Variants in SLCO3A1 observed in about 807,000 individuals in gnomAD.
The protein encoded by SLCO3A1 is PGE1 transporter.
A neutral mutation model predicts 63.1 loss-of-function variants in SLCO3A1; 27 were observed. That is an observed-to-expected ratio of 0.43 (90% CI 0.32 to 0.59). The LOEUF (loss-of-function observed/expected upper bound fraction) is 0.59. Ranked by LOEUF, SLCO3A1 falls within the 20% of genes least tolerant of loss-of-function variation. The pLI, the probability that SLCO3A1 is intolerant of heterozygous loss-of-function variation, is 0.09. For synonymous variants in SLCO3A1, 473 were observed against 409.9 expected (o/e 1.15, Z -1.86); for missense variants, 773 against 945.8 (o/e 0.82, Z 2.40).
At chr15:91,907,446 T>A (rs1253000974) in intron 1 of SLCO3A1, among the ~76,000 whole-genome samples, 1 of 151,546 alleles carries the variant, frequency 6.6e-6, no homozygotes, top group African/African-American at 2.4e-5. Context: ...CCTCAGGTGA[T>A]TCTCCCACCT....
chr15:92,056,135 G>C (rs143307900), intron 2 of SLCO3A1, among the ~76,000 whole-genome samples: 1 of 152,100 alleles, frequency 6.6e-6, no homozygotes, highest in African/African-American at 2.4e-5. Flanking sequence ...GGGCTTGCAG[G>C]GGGGACTTGA....
intron 1 of SLCO3A1, among the ~76,000 whole-genome samples, chr15:91,888,314 C>G (rs1567172207): frequency 6.6e-6 from 1 of 152,156 alleles, no homozygotes; most frequent in Non-Finnish European, 1.5e-5. Flanking sequence ...GTATGGGCTG[C>G]CGGCTCTCTT....
chr15:91,889,021 G>T, intron 1 of SLCO3A1: 8 of 424,984 alleles, frequency 1.9e-5, no homozygotes, highest in Non-Finnish European at 2.0e-5. Context: ...AAAAAAAAAA[G>T]AAAAGAAAAA....
At chr15:91,963,000 C>T (rs1900507561) in intron 2 of SLCO3A1, among the ~76,000 whole-genome samples, 1 of 152,202 alleles carries the variant, frequency 6.6e-6, no homozygotes, top group Admixed American at 6.5e-5. Context: ...TAACTAAGAT[C>T]TGATTCCTGA....
At chr15:92,103,635 G>C (rs1030107079) in intron 3 of SLCO3A1, among the ~76,000 whole-genome samples, 6 of 152,012 alleles carry the variant, frequency 3.9e-5, no homozygotes, top group Non-Finnish European at 7.4e-5. Flanking sequence ...TTTTATGTCT[G>C]GTGTGGTCAT....
chr15:92,035,649 G>A (rs1349048693), intron 2 of SLCO3A1, among the ~76,000 whole-genome samples: 1 of 151,696 alleles, frequency 6.6e-6, no homozygotes. Context: ...CCGTGAAGTG[G>A]CTTTTAACAC....
In SLCO3A1 at chr15:91,919,751, T is replaced by G. The variant is rs553925176; in HGVS notation, c.646+3293T>G. 2.6e-5 allele frequency among the ~76,000 whole-genome samples: 4 copies of G among 152,230 alleles called. No homozygotes were observed. The East Asian group carries it at 7.7e-4, about 29-fold the overall frequency. On this transcript the variant is annotated intron_variant, in intron 2 of 9. Transcript: ENST00000318445. ...GGCTTACTGTGCCCTTTCATTAGGT[T>G]GCCCCCCTTTTTTTTTTCAAGGAGG...
chr15:91,995,576 A>G (rs1417488883), intron 2 of SLCO3A1, among the ~76,000 whole-genome samples: 1 of 152,234 alleles, frequency 6.6e-6, no homozygotes, highest in African/African-American at 2.4e-5. Context: ...GAGTAGTTAT[A>G]TTCTTGTGAG....
chr15:92,020,238 C>A (rs941306490), intron 2 of SLCO3A1, among the ~76,000 whole-genome samples: 5 of 98,334 alleles, frequency 5.1e-5, no homozygotes, highest in East Asian at 3.9e-4. Context: ...CACACACACA[C>A]TATATATATA....
In SLCO3A1 at chr15:92,163,555, T is replaced by TA. The variant is rs1491407256; in HGVS notation, c.*420_*421insA. 6.4e-3 allele frequency: 3,416 copies of TA among 534,346 alleles called. No homozygotes were observed. The highest frequency in any genetic ancestry group is 0.016 in the East Asian group (74 of 4,710). The allele number at this position is 534,346 out of a possible 1,614,324, so 33.1% of individuals were successfully genotyped here. A position where few individuals can be genotyped will look rare whatever the true frequency, so the allele number is the denominator to read the frequency against. ...AAGAAGTTTCCTAAAATAAAAAAAA[T>TA]TAAAAAAAAAAAACCCACAAGTTGA... On this transcript the variant is annotated 3_prime_UTR_variant, in exon 10 of 10. Coordinates refer to ENST00000318445, the MANE Select transcript of SLCO3A1 (RefSeq NM_013272.4).
At chr15:92,116,077 C>T (rs1249194621) in intron 4 of SLCO3A1, among the ~76,000 whole-genome samples, 1 of 152,142 alleles carries the variant, frequency 6.6e-6, no homozygotes, top group African/African-American at 2.4e-5. Context: ...TCAGTTTCTG[C>T]TGTGCTGCTC....
At chr15:91,891,282 T>G (rs922081662) in intron 1 of SLCO3A1, among the ~76,000 whole-genome samples, 19 of 152,188 alleles carry the variant, frequency 1.2e-4, no homozygotes, top group African/African-American at 4.1e-4. Context: ...CAGCTCCATT[T>G]AGGACTACCT....
At chr15:92,120,167 T>C (rs2047846596) in intron 4 of SLCO3A1, among the ~76,000 whole-genome samples, 1 of 152,138 alleles carries the variant, frequency 6.6e-6, no homozygotes, top group Admixed American at 6.6e-5. Context: ...CTGACATTGC[T>C]TTAAAAAAAT....
At chr15:92,141,429 G>A (rs1485501310) in intron 7 of SLCO3A1, among the ~76,000 whole-genome samples, 1 of 152,164 alleles carries the variant, frequency 6.6e-6, no homozygotes, top group Non-Finnish European at 1.5e-5. Context: ...AGATACACCT[G>A]CTTTTTGGAT....
chr15:91,965,396 C>G (rs1346531173), intron 2 of SLCO3A1, among the ~76,000 whole-genome samples: 1 of 152,178 alleles, frequency 6.6e-6, no homozygotes, highest in Non-Finnish European at 1.5e-5. Context: ...TGAAGAAGGA[C>G]TTTTAAAACT....
intron 1 of SLCO3A1, among the ~76,000 whole-genome samples, chr15:91,892,322 A>G (rs1321681752): frequency 6.6e-6 from 1 of 152,078 alleles, no homozygotes; most frequent in African/African-American, 2.4e-5. Flanking sequence ...AGTGTTTTTC[A>G]TTACTATTTG....
chr15:92,134,067 A>G (rs1026997173), intron 7 of SLCO3A1, among the ~76,000 whole-genome samples: 3 of 152,220 alleles, frequency 2.0e-5, no homozygotes, highest in Non-Finnish European at 4.4e-5. Context: ...GCACCCCAGT[A>G]GGGCAGTGGT....
At chr15:91,937,006 A>G (rs1899437253) in intron 2 of SLCO3A1, among the ~76,000 whole-genome samples, 1 of 152,186 alleles carries the variant, frequency 6.6e-6, no homozygotes. Context: ...TGAATCTGCA[A>G]AGAGGAAGAA....
chr15:92,027,656 G>A (rs966540829), intron 2 of SLCO3A1, among the ~76,000 whole-genome samples: 2 of 152,230 alleles, frequency 1.3e-5, no homozygotes, highest in African/African-American at 4.8e-5. Context: ...CTGGTGTGGA[G>A]TGCCACAAGA....
Sources: gnomAD v4.1 joint callset for allele counts (sites outside exome capture counted in the v4.1 genomes callset) on GRCh38, gnomAD v4.1.1 for gene constraint, MANE v1.5 for transcripts, NCBI Gene and HGNC (gene_info 2026-07-23, HGNC 2026-07-21) for gene names.